Variants in CCSER1 observed in about 807,000 individuals in gnomAD.
The protein encoded by CCSER1 is serine-rich coiled-coil domain-containing protein 1.
In CCSER1, 41 loss-of-function variants were observed where a neutral mutation model predicts 82.0. The ratio of observed to expected loss-of-function variants is 0.50; its 90% confidence interval spans 0.39 to 0.65. The LOEUF is 0.65. Ranked by LOEUF, CCSER1 falls within the 30% of genes least tolerant of loss-of-function variation. The pLI is 0.00. For synonymous variants in CCSER1, 414 were observed against 383.9 expected, an observed-to-expected ratio of 1.08 and a Z score of -0.92; for missense variants, 1,119 against 1,064.2, an observed-to-expected ratio of 1.05 and a Z score of -0.72.
At chr4:90,751,021 T>G (rs1748558397) in intron 7 of CCSER1, among the ~76,000 whole-genome samples, 1 of 152,154 alleles carries the variant, frequency 6.6e-6, no homozygotes, top group African/African-American at 2.4e-5. Flanking sequence ...TTTTTTTAAC[T>G]CTGCTTAATT....
chr4:90,309,633 A>C (rs1427587907), intron 2 of CCSER1, 25 bp downstream of exon 2: 1 of 1,487,434 alleles, frequency 6.7e-7, no homozygotes, highest in South Asian at 1.3e-5. Context: ...TTTGTATAAC[A>C]AATGATATGA....
At chr4:90,306,258 G>C (rs947554132) in intron 1 of CCSER1, among the ~76,000 whole-genome samples, 1 of 152,124 alleles carries the variant, frequency 6.6e-6, no homozygotes, top group African/African-American at 2.4e-5. Context: ...GGAGAAATAA[G>C]TTTTAGAGGT....
chr4:90,349,881 T>C (rs537895790), intron 3 of CCSER1, among the ~76,000 whole-genome samples: 76 of 151,186 alleles, frequency 5.0e-4, no homozygotes, highest in South Asian at 2.9e-3. Context: ...AGTAAAGTGT[T>C]CACAGTTCCA....
At chr4:90,919,536 T>C (rs1728068393) in intron 8 of CCSER1, among the ~76,000 whole-genome samples, 1 of 151,924 alleles carries the variant, frequency 6.6e-6, no homozygotes. Flanking sequence ...CTATTATTAG[T>C]AGTAATAATT....
chr4:90,659,418 T>C (rs1394914358), intron 6 of CCSER1, among the ~76,000 whole-genome samples: 1 of 152,072 alleles, frequency 6.6e-6, no homozygotes, highest in East Asian at 1.9e-4. Context: ...ACTTCATAAA[T>C]TTAGAGGATT....
intron 7 of CCSER1, among the ~76,000 whole-genome samples, chr4:90,779,724 A>G (rs143092864): frequency 2.6e-4 from 40 of 152,326 alleles, no homozygotes; most frequent in Middle Eastern, 3.4e-3. Flanking sequence ...TATTTTTTTG[A>G]AGCTACGGCT....
At chr4:90,331,054 A>T (rs1246002263) in intron 3 of CCSER1, among the ~76,000 whole-genome samples, 2 of 152,018 alleles carry the variant, frequency 1.3e-5, no homozygotes, top group East Asian at 3.9e-4. Flanking sequence ...AAATTTTGGT[A>T]CTATAGCTTT....
chr4:91,068,169 T>G (rs1721040614), intron 9 of CCSER1, among the ~76,000 whole-genome samples: 1 of 152,344 alleles, frequency 6.6e-6, no homozygotes, highest in Admixed American at 6.5e-5. Context: ...CATTCTCTTC[T>G]CAATGTTCAT....
chr4:91,472,787 T>C (rs1325753398), intron 10 of CCSER1, among the ~76,000 whole-genome samples: 1 of 152,170 alleles, frequency 6.6e-6, no homozygotes, highest in Non-Finnish European at 1.5e-5. Context: ...GCCTTAACAA[T>C]AGTGTGTCAG....
At chr4:91,102,667 C>A (rs1725198160) in intron 10 of CCSER1, among the ~76,000 whole-genome samples, 1 of 151,850 alleles carries the variant, frequency 6.6e-6, no homozygotes, top group African/African-American at 2.4e-5. Flanking sequence ...TATTTTGCTT[C>A]ATCACATATT....
chr4:90,133,381 T>C (rs1433381159), intron 1 of CCSER1, among the ~76,000 whole-genome samples: 1 of 152,210 alleles, frequency 6.6e-6, no homozygotes, highest in Non-Finnish European at 1.5e-5. Flanking sequence ...GTAGTTATAA[T>C]GCAAAGGGTA....
intron 10 of CCSER1, among the ~76,000 whole-genome samples, chr4:91,276,173 T>G (rs1742419051): frequency 6.9e-6 from 1 of 144,232 alleles, no homozygotes; most frequent in Non-Finnish European, 1.5e-5. Flanking sequence ...ATTTTAGGAT[T>G]TTTTTTTCTA....
intron 8 of CCSER1, among the ~76,000 whole-genome samples, chr4:90,869,666 A>G (rs1345349329): frequency 6.6e-6 from 1 of 151,712 alleles, no homozygotes; most frequent in African/African-American, 2.4e-5. Context: ...CTTTTTGCTC[A>G]GGATGGCTTT....
chr4:90,391,501 G>GTGTGTA (rs1561152852), intron 3 of CCSER1, among the ~76,000 whole-genome samples: 2 of 43,668 alleles, frequency 4.6e-5, no homozygotes, highest in Non-Finnish European at 7.2e-5. Flanking sequence ...CACACAGTGG[G>GTGTGTA]TAAATATATA....
chr4:91,306,080 T>TGTG (rs1745054306), intron 10 of CCSER1, among the ~76,000 whole-genome samples: 1 of 151,684 alleles, frequency 6.6e-6, no homozygotes, highest in African/African-American at 2.4e-5. Context: ...TGTGTGTGTG[T>TGTG]GTGTGTGTGT....
chr4:90,308,610 T>G lies in CCSER1; in HGVS notation c.326T>G (p.Ile109Ser), dbSNP rs532947587. 6.2e-7 allele frequency: 1 copy of G among 1,613,826 alleles called. No individual in the cohort carries two copies. Among genetic ancestry groups the G allele is most frequent in the South Asian group, 1.1e-5 (1 of 91,074 alleles). The change falls in exon 2 of 11, where the codon ATT (isoleucine) becomes AGT (serine). Residue 109 changes from isoleucine to serine, a missense_variant. Transcript: ENST00000509176. ...CAGAAACTGAGTTTGGAAGAACATA[T>G]TAAGACCAGGGGAAGACATTCTGTT... ...NMQKLSLEEHIKTRGRHSVGF... is the reference protein window; with the variant it reads ...NMQKLSLEEHSKTRGRHSVGF...
chr4:90,526,527 C>A (rs1175575777), intron 5 of CCSER1, among the ~76,000 whole-genome samples: 1 of 152,060 alleles, frequency 6.6e-6, no homozygotes, highest in African/African-American at 2.4e-5. Context: ...TTAGATATTT[C>A]TTCTATTGTT....
At chr4:91,156,169 A>G (rs1730799596) in intron 10 of CCSER1, among the ~76,000 whole-genome samples, 1 of 151,720 alleles carries the variant, frequency 6.6e-6, no homozygotes, top group African/African-American at 2.4e-5. Context: ...GTGATGGCCA[A>G]ATAGGGGTTC....
chr4:91,143,527 T>A (rs779224544), intron 10 of CCSER1, among the ~76,000 whole-genome samples: 1 of 152,030 alleles, frequency 6.6e-6, no homozygotes, highest in Non-Finnish European at 1.5e-5. Context: ...TGAATAGGAG[T>A]GATGTGAGTG....
Sources: gnomAD v4.1 joint callset for allele counts (sites outside exome capture counted in the v4.1 genomes callset) on GRCh38, gnomAD v4.1.1 for gene constraint, MANE v1.5 for transcripts, NCBI Gene and HGNC (gene_info 2026-07-23, HGNC 2026-07-21) for gene names.